MSH4: variants seen among roughly 807,000 people sequenced by gnomAD.
MSH4 encodes the protein mutS protein homolog 4.
Under a neutral mutation model 113.7 loss-of-function variants are expected in MSH4, and 106 were observed. That is an observed-to-expected ratio of 0.93 (90% CI 0.80 to 1.10). MSH4 has a LOEUF of 1.10. MSH4 is among the 50% of genes least tolerant of loss of function. MSH4 has a pLI of 0.00. For synonymous variants in MSH4, 368 were observed against 380.2 expected, an observed-to-expected ratio of 0.97 and a Z score of 0.37; for missense variants, 1,061 against 1,093.7, an observed-to-expected ratio of 0.97 and a Z score of 0.42.
rs1202172471 is a variant in MSH4 at position 75,822,479 on chromosome 1, A to G, written c.1060A>G (p.Asn354Asp). 2.5e-6 allele frequency: 4 copies of G among 1,587,138 alleles called. No homozygotes were observed. The Admixed American group carries it at 7.3e-5, about 29-fold the overall frequency. ...TGGAGGGAGTAGACGACTTCGTTCT[A>G]ATATATTAGAGCCTCTAGTTGATAT... Reference protein sequence around the residue: ...TPGGSRRLRSNILEPLVDIET... With the variant: ...TPGGSRRLRSDILEPLVDIET... Residue 354 changes from asparagine (N) to aspartate (D), a missense_variant, in exon 7 of 20, where the codon AAT becomes GAT. Asn to Asp is a conservative substitution (Grantham distance 23). Transcript: ENST00000263187.
chr1:75,805,180 T>C (rs1650032577), intron 2 of MSH4, among the ~76,000 whole-genome samples: 1 of 148,996 alleles, frequency 6.7e-6, no homozygotes, highest in Admixed American at 6.7e-5. Flanking sequence ...GGAAATTCAA[T>C]AGACATATAA....
intron 8 of MSH4, among the ~76,000 whole-genome samples, chr1:75,864,409 G>A (rs942090949): frequency 1.3e-5 from 2 of 152,138 alleles, no homozygotes; most frequent in Non-Finnish European, 2.9e-5. Flanking sequence ...CATGTGGTAT[G>A]CATATATTCA....
chr1:75,818,312 C>G (rs1650333480), intron 6 of MSH4, among the ~76,000 whole-genome samples: 2 of 152,188 alleles, frequency 1.3e-5, no homozygotes, highest in Non-Finnish European at 2.9e-5. Context: ...TCATTCATCT[C>G]TCTCTATTCT....
At position 75,873,956 on chromosome 1, in the gene MSH4, C is replaced by T. The variant is rs367700652; in HGVS notation, c.1306-2980C>T. Among the ~76,000 whole-genome samples, 61 of 152,210 alleles carry T rather than the reference C, an allele frequency of 4.0e-4. 1 individual carries two copies. The highest frequency in any genetic ancestry group is 1.4e-3 in the African/African-American group (59 of 41,516). ...ATACCCAGCAATGGGATTGTTGGGT[C>T]GAATGGTATCTCTGTTTTCAGCTCT... On this transcript the variant is annotated intron_variant, in intron 9 of 19. Transcript: ENST00000263187.
intron 7 of MSH4, among the ~76,000 whole-genome samples, chr1:75,829,243 A>C (rs10873728): frequency 1.3e-5 from 2 of 152,042 alleles, no homozygotes; most frequent in Admixed American, 1.3e-4. Context: ...GGGGATGGGC[A>C]TCTGGCTTTG....
chr1:75,849,803 G>A (rs1403990665), intron 8 of MSH4, among the ~76,000 whole-genome samples: 1 of 152,088 alleles, frequency 6.6e-6, no homozygotes, highest in African/African-American at 2.4e-5. Flanking sequence ...TACAAATGAA[G>A]CCATTAAAGC....
chr1:75,818,044 C>T (rs989298421), intron 6 of MSH4, among the ~76,000 whole-genome samples: 5 of 152,194 alleles, frequency 3.3e-5, no homozygotes, highest in Non-Finnish European at 1.5e-5. Flanking sequence ...AAGGCTACTA[C>T]CCTAACCCAA....
chr1:75,902,460 G>T (rs1388790311), intron 19 of MSH4, among the ~76,000 whole-genome samples: 1 of 151,308 alleles, frequency 6.6e-6, no homozygotes, highest in Non-Finnish European at 1.5e-5. Flanking sequence ...GCAGTATTTG[G>T]TTTTCTATTT....
intron 1 of MSH4, among the ~76,000 whole-genome samples, chr1:75,802,820 G>A (rs5745316): frequency 8.5e-5 from 13 of 152,282 alleles, no homozygotes; most frequent in African/African-American, 2.9e-4. Context: ...TGGAGGCTGG[G>A]AAGTCCAAGG....
chr1:75,887,590 G>T (rs1407227210), intron 15 of MSH4, among the ~76,000 whole-genome samples: 1 of 152,048 alleles, frequency 6.6e-6, no homozygotes, highest in Admixed American at 6.6e-5. Context: ...ATATGATAAA[G>T]ATTATTAACT....
chr1:75,825,821 A>T (rs1188178206), intron 7 of MSH4, among the ~76,000 whole-genome samples: 2 of 152,130 alleles, frequency 1.3e-5, no homozygotes, highest in Non-Finnish European at 2.9e-5. Context: ...AGCCAACTTG[A>T]TTGTGGTGGA....
intron 1 of MSH4, among the ~76,000 whole-genome samples, chr1:75,802,312 C>T (rs1472134786): frequency 1.3e-5 from 2 of 152,158 alleles, no homozygotes; most frequent in Admixed American, 6.5e-5. Flanking sequence ...CCTGGAGATG[C>T]ATAATGTTGA....
At chr1:75,856,555 G>C (rs1651323066) in intron 8 of MSH4, among the ~76,000 whole-genome samples, 1 of 152,230 alleles carries the variant, frequency 6.6e-6, no homozygotes, top group Middle Eastern at 3.4e-3. Context: ...TTCTAATCTT[G>C]TGATAGTTTG....
At chr1:75,907,689 C>CATATATATATATATATATATATATAT (rs71071973) in intron 19 of MSH4, among the ~76,000 whole-genome samples, 39 of 78,618 alleles carry the variant, frequency 5.0e-4, no homozygotes, top group Non-Finnish European at 6.0e-4. Context: ...TCTCTCTATA[C>CATATATATATATATATATATATATAT]ATATATATAT....
At chr1:75,810,447 G>T (rs1184892606) in intron 3 of MSH4, among the ~76,000 whole-genome samples, 2 of 140,672 alleles carry the variant, frequency 1.4e-5, no homozygotes, top group Non-Finnish European at 3.1e-5. Context: ...TAGAGACAGG[G>T]TTTCACCATG....
chr1:75,901,811 A>G (rs888538981), intron 19 of MSH4, among the ~76,000 whole-genome samples: 6 of 152,064 alleles, frequency 3.9e-5, no homozygotes, highest in Admixed American at 3.3e-4. Context: ...TATCCTCACC[A>G]GCATTTGTTA....
chr1:75,831,100 C>T lies in MSH4; in HGVS notation c.1162+8519C>T, dbSNP rs568851772. Among the ~76,000 whole-genome samples the T allele has an allele frequency of 2.0e-5, 3 of 152,084 alleles. No homozygotes were observed. In the South Asian group the frequency reaches 6.2e-4, roughly 32 times the overall value. On this transcript the variant is annotated intron_variant, in intron 7 of 19. Transcript: ENST00000263187. ...CAATAAAGGGATGGAGGAAGGTGTA[C>T]CAAGCAAATGGAAAACAAAAAAAGC... is the stretch of plus-strand genomic sequence containing the variant.
At position 75,878,306 on chromosome 1, in the gene MSH4, G is replaced by C; in HGVS notation, c.1528G>C (p.Asp510His). 1 of 1,591,868 alleles carries C rather than the reference G, an allele frequency of 6.3e-7. No individual in the cohort carries two copies. Among genetic ancestry groups the C allele is most frequent in the African/African-American group, 1.4e-5 (1 of 73,658 alleles). ...AAGAAGAACATACACAGAGATTGTA[G>C]ATGACATAGCAGGTAATTTCTTTAT... ...IARRTYTEIVDDIAGMISQLG... is the reference protein window; with the variant it reads ...IARRTYTEIVHDIAGMISQLG... The change falls in exon 11 of 20, where the codon GAT becomes CAT. Residue 510 changes from aspartate (D) to histidine (H), a missense_variant. Transcript: ENST00000263187.
intron 4 of MSH4, among the ~76,000 whole-genome samples, chr1:75,814,239 G>A (rs886273523): frequency 6.9e-6 from 1 of 144,690 alleles, no homozygotes; most frequent in Non-Finnish European, 1.5e-5. Flanking sequence ...AATCACTTGA[G>A]CCCAGGAGTT....
Sources: gnomAD v4.1 joint callset for allele counts (sites outside exome capture counted in the v4.1 genomes callset) on GRCh38, gnomAD v4.1.1 for gene constraint, MANE v1.5 for transcripts, NCBI Gene and HGNC (gene_info 2026-07-23, HGNC 2026-07-21) for gene names.